PTPRO: variants seen among roughly 807,000 people sequenced by gnomAD.
PTPRO encodes the protein protein tyrosine phosphatase receptor type O.
In PTPRO, 62 loss-of-function variants were observed where a neutral mutation model predicts 145.2. The observed-to-expected ratio is 0.43, with a 90% CI of 0.35 to 0.53. The LOEUF is 0.53. PTPRO is among the 20% of genes least tolerant of loss of function. PTPRO has a pLI of 0.01. For missense variants in PTPRO, 1,345 were observed against 1,482.7 expected, an observed-to-expected ratio of 0.91 and a Z score of 1.53; for synonymous variants, 565 against 514.7, an observed-to-expected ratio of 1.10 and a Z score of -1.32.
At chr12:15,515,975 G>GT (rs1404881284) in intron 8 of PTPRO, among the ~76,000 whole-genome samples, 19 of 138,012 alleles carry the variant, frequency 1.4e-4, no homozygotes, top group African/African-American at 5.4e-4. Flanking sequence ...TTGTTTGTCT[G>GT]GTTTTTTTTT....
intron 1 of PTPRO, among the ~76,000 whole-genome samples, chr12:15,336,014 TA>T (rs1866749188): frequency 6.6e-6 from 1 of 152,210 alleles, no homozygotes; most frequent in South Asian, 2.1e-4. Flanking sequence ...TTGATATCTT[TA>T]AGCCTGAATC....
intron 12 of PTPRO, among the ~76,000 whole-genome samples, chr12:15,545,086 A>T (rs893476052): frequency 6.6e-6 from 1 of 152,164 alleles, no homozygotes. Flanking sequence ...GGGCAGAGTC[A>T]CAATGATGAT....
chr12:15,569,390 A>T, intron 18 of PTPRO, 27 bp from the exon 19 acceptor site: 1 of 1,543,786 alleles, frequency 6.5e-7, no homozygotes, highest in South Asian at 1.1e-5. Context: ...TTTAAAATGT[A>T]TGTATATTTC....
intron 1 of PTPRO, among the ~76,000 whole-genome samples, chr12:15,463,792 C>T (rs1230474001): frequency 1.3e-5 from 2 of 151,992 alleles, no homozygotes; most frequent in African/African-American, 4.8e-5. Context: ...TTCTATAATA[C>T]AATAATATGG....
chr12:15,429,295 T>A (rs530112633), intron 1 of PTPRO, among the ~76,000 whole-genome samples: 1 of 152,164 alleles, frequency 6.6e-6, no homozygotes, highest in East Asian at 1.9e-4. Context: ...ATTCAAAACA[T>A]AAGGAAACAT....
chr12:15,412,985 G>A (rs1939841402), intron 1 of PTPRO, among the ~76,000 whole-genome samples: 2 of 151,956 alleles, frequency 1.3e-5, no homozygotes, highest in Admixed American at 1.3e-4. Flanking sequence ...TAGAGATGGG[G>A]TTTCCCCATG....
At chr12:15,364,638 G>A (rs1306235470) in intron 1 of PTPRO, among the ~76,000 whole-genome samples, 1 of 152,094 alleles carries the variant, frequency 6.6e-6, no homozygotes, top group Non-Finnish European at 1.5e-5. Context: ...AACTCACAGG[G>A]GAGTTAAACT....
In PTPRO at chr12:15,413,683, C is replaced by T. The variant is rs571290845; in HGVS notation, c.76-70291C>T. Among the ~76,000 whole-genome samples the T allele has an allele frequency of 5.3e-5, 8 of 152,058 alleles. No homozygotes were observed. In the South Asian group the frequency reaches 1.0e-3, roughly 20 times the overall value. ...TACGAAAATTAGCCAGGCATGGTAG[C>T]GCACACCTGTAGTCCCAGCTACTTG... On this transcript the variant is annotated intron_variant, in intron 1 of 26. Transcript: ENST00000281171.
At chr12:15,431,816 T>G (rs993457251) in intron 1 of PTPRO, among the ~76,000 whole-genome samples, 5 of 152,220 alleles carry the variant, frequency 3.3e-5, no homozygotes, top group African/African-American at 4.8e-5. Flanking sequence ...CTTATTTTAT[T>G]ATTTCTTTTT....
intron 19 of PTPRO, 110 bp downstream of exon 19, chr12:15,569,608 T>G: frequency 1.0e-6 from 1 of 990,098 alleles, no homozygotes; most frequent in East Asian, 2.5e-5. Context: ...ACAAAAAGGG[T>G]ATTGGCCTGG....
intron 15 of PTPRO, among the ~76,000 whole-genome samples, chr12:15,552,749 G>T (rs1943499040): frequency 6.8e-6 from 1 of 146,492 alleles, no homozygotes; most frequent in South Asian, 2.2e-4. Flanking sequence ...GGATTGCACT[G>T]TAACTACAGT....
intron 2 of PTPRO, among the ~76,000 whole-genome samples, chr12:15,496,134 CTTTTTTTGTTTTTTTTTTTT>C (rs1942098591): frequency 1.1e-5 from 1 of 93,136 alleles, no homozygotes; most frequent in African/African-American, 3.5e-5. Context: ...TTTTTCTTTT[CTTTTTTTGTTTTTTTTTTTT>C]TTTTTTTTTT....
At chr12:15,440,054 C>T (rs1215839404) in intron 1 of PTPRO, 2 of 645,350 alleles carry the variant, frequency 3.1e-6, no homozygotes, top group Non-Finnish European at 2.8e-6. Flanking sequence ...CTGCAAGCCC[C>T]ACACTGTCCC....
chr12:15,563,214 G>A (rs1411237279), intron 17 of PTPRO, among the ~76,000 whole-genome samples: 1 of 152,098 alleles, frequency 6.6e-6, no homozygotes, highest in Non-Finnish European at 1.5e-5. Context: ...ATGCATATAT[G>A]CTGTAGGTAT....
chr12:15,393,628 ATT>A (rs56808064), intron 1 of PTPRO, among the ~76,000 whole-genome samples: 26,813 of 141,910 alleles, frequency 0.19, 2,462 homozygotes, highest in South Asian at 0.23. Flanking sequence ...GTACACTAGG[ATT>A]TTTTTTTTTT....
intron 1 of PTPRO, among the ~76,000 whole-genome samples, chr12:15,434,670 G>T (rs1379749742): frequency 2.0e-5 from 3 of 152,104 alleles, no homozygotes; most frequent in African/African-American, 4.8e-5. Context: ...TTTTCAACAA[G>T]CTGGCCAGAT....
chr12:15,525,094 G>A (rs2136525538), intron 11 of PTPRO, 129 bp downstream of exon 11: 3 of 1,148,816 alleles, frequency 2.6e-6, no homozygotes, highest in East Asian at 2.5e-5. Context: ...AGGCTCTGGA[G>A]ATAAGACAGT....
At chr12:15,412,759 T>C (rs1565614608) in intron 1 of PTPRO, among the ~76,000 whole-genome samples, 1 of 152,186 alleles carries the variant, frequency 6.6e-6, no homozygotes, top group African/African-American at 2.4e-5. Flanking sequence ...CATTCCAGTG[T>C]ATAGAGGCTT....
intron 1 of PTPRO, among the ~76,000 whole-genome samples, chr12:15,458,246 T>C: frequency 6.6e-6 from 1 of 152,312 alleles, no homozygotes; most frequent in African/African-American, 2.4e-5. Flanking sequence ...AGATTCCCTG[T>C]ATGTGATAAG....
Sources: gnomAD v4.1 joint callset for allele counts (sites outside exome capture counted in the v4.1 genomes callset) on GRCh38, gnomAD v4.1.1 for gene constraint, MANE v1.5 for transcripts, NCBI Gene and HGNC (gene_info 2026-07-23, HGNC 2026-07-21) for gene names.